MRPS27: variants seen among roughly 807,000 people sequenced by gnomAD.
The protein encoded by MRPS27 is small ribosomal subunit protein mS27.
In MRPS27, 43 loss-of-function variants were observed where a neutral mutation model predicts 48.9. The ratio of observed to expected loss-of-function variants is 0.88; its 90% CI spans 0.69 to 1.13. MRPS27 has a LOEUF of 1.13. Among genes scored for constraint, MRPS27 ranks in the 50% most tolerant of loss-of-function variants. The pLI is 0.00. For missense variants in MRPS27, 467 were observed against 476.3 expected (o/e 0.98, Z 0.18); for synonymous variants, 188 against 171.9 (o/e 1.09, Z -0.73).
rs924016895 is a variant in MRPS27 at position 72,296,050 on chromosome 5, C to T, written c.223-461G>A. ...AAATTTAGAGAACTCAGTCTTGCAACGATTTTTTCTACTTTGATTTAGCTC... is the reference window on the plus strand; with the variant it reads ...AAATTTAGAGAACTCAGTCTTGCAATGATTTTTTCTACTTTGATTTAGCTC... On this transcript the variant is annotated intron_variant, in intron 3 of 10. Coordinates refer to ENST00000261413, the MANE Select transcript of MRPS27 (RefSeq NM_015084.3). Among the ~76,000 whole-genome samples, 14 of 152,120 alleles carry T rather than the reference C, an allele frequency of 9.2e-5. No individual in the cohort carries two copies. In the South Asian group the frequency reaches 1.2e-3, roughly 13 times the overall value.
chr5:72,253,154 G>T (rs1375409229), intron 4 of MRPS27, among the ~76,000 whole-genome samples: 1 of 152,116 alleles, frequency 6.6e-6, no homozygotes, highest in African/African-American at 2.4e-5. Flanking sequence ...TCTCCTGCCG[G>T]CTTAGGTTGT....
chr5:72,297,011 T>G (rs942538311), intron 3 of MRPS27, among the ~76,000 whole-genome samples: 1 of 152,142 alleles, frequency 6.6e-6, no homozygotes. Context: ...GATATCTGGG[T>G]TTGAATCTCA....
intron 1 of MRPS27, among the ~76,000 whole-genome samples, chr5:72,318,524 G>A (rs1750625447): frequency 6.6e-6 from 1 of 152,246 alleles, no homozygotes; most frequent in South Asian, 2.1e-4. Flanking sequence ...GCTGGGCACA[G>A]TGGCTCACGC....
intron 4 of MRPS27, among the ~76,000 whole-genome samples, chr5:72,256,752 T>C (rs958940236): frequency 6.6e-5 from 10 of 152,224 alleles, no homozygotes; most frequent in African/African-American, 2.2e-4. Flanking sequence ...AACAAAACAA[T>C]AGGTCTGTTA....
chr5:72,261,396 C>T (rs1053518918), intron 4 of MRPS27, among the ~76,000 whole-genome samples: 4 of 152,008 alleles, frequency 2.6e-5, no homozygotes, highest in African/African-American at 4.8e-5. Context: ...GGATTACAGA[C>T]GCCACCACAT....
chr5:72,311,231 T>C (rs1170023403), intron 2 of MRPS27, among the ~76,000 whole-genome samples: 2 of 152,198 alleles, frequency 1.3e-5, no homozygotes, highest in African/African-American at 2.4e-5. Context: ...CAATAGAATG[T>C]CCTTATCTCA....
intron 4 of MRPS27, among the ~76,000 whole-genome samples, chr5:72,282,465 A>G (rs1749556806): frequency 1.3e-5 from 2 of 152,186 alleles, no homozygotes. Context: ...CCCTGTAGCT[A>G]TAATTCCTGG....
At chr5:72,221,332 G>A (rs1382577325) in intron 10 of MRPS27, among the ~76,000 whole-genome samples, 184 bp from the exon 11 acceptor site, 1 of 152,126 alleles carries the variant, frequency 6.6e-6, no homozygotes, top group Non-Finnish European at 1.5e-5. Flanking sequence ...CATTTTGCTG[G>A]TAGAAAAAAA....
chr5:72,311,471 G>A (rs1580120203), intron 2 of MRPS27, among the ~76,000 whole-genome samples: 1 of 152,138 alleles, frequency 6.6e-6, no homozygotes, highest in South Asian at 2.1e-4. Flanking sequence ...AGTTTTGAGA[G>A]GCCAGTGGAT....
At chr5:72,284,527 T>G (rs1749620304) in intron 4 of MRPS27, among the ~76,000 whole-genome samples, 1 of 150,266 alleles carries the variant, frequency 6.7e-6, no homozygotes, top group Non-Finnish European at 1.5e-5. Context: ...AGGGAAGAAA[T>G]GAAAAATATG....
chr5:72,311,285 T>G (rs936191090), intron 2 of MRPS27, among the ~76,000 whole-genome samples: 1 of 152,112 alleles, frequency 6.6e-6, no homozygotes, highest in African/African-American at 2.4e-5. Flanking sequence ...CTATAATATA[T>G]GAAACAAACT....
Position 72,223,790 on chromosome 5 carries a change from G to A in MRPS27, c.898C>T (p.Gln300Ter). ...LTSADGASEE[Q>*]SQNDEDNQGS... ...TGGTTGTCTTCATCATTTTGGGACT[G>A]CTCCTCTGAAGCCCCATCAGCTGAA... is the stretch of plus-strand genomic sequence containing the variant. Residue 300 changes from glutamine to a stop codon, truncating the protein, a stop_gained, in exon 10 of 11, where the codon CAG (glutamine) becomes TAG (stop). Transcript: ENST00000261413. LOFTEE classifies it high-confidence loss of function. The A allele has an allele frequency of 1.2e-6, 2 of 1,613,996 alleles. No individual in the cohort carries two copies. Among genetic ancestry groups the A allele is most frequent in the Non-Finnish European group, 8.5e-7 (1 of 1,179,938 alleles).
chr5:72,291,564 A>T (rs1749820426), intron 4 of MRPS27, among the ~76,000 whole-genome samples: 1 of 152,240 alleles, frequency 6.6e-6, no homozygotes, highest in Admixed American at 6.5e-5. Flanking sequence ...GATATGAAAA[A>T]ATCAATGATT....
intron 2 of MRPS27, among the ~76,000 whole-genome samples, chr5:72,311,284 A>G (rs762079675): frequency 3.4e-4 from 52 of 152,238 alleles, no homozygotes; most frequent in Admixed American, 7.2e-4. Flanking sequence ...GCTATAATAT[A>G]TGAAACAAAC....
chr5:72,312,211 A>G (rs887078835), intron 2 of MRPS27, among the ~76,000 whole-genome samples: 3 of 152,232 alleles, frequency 2.0e-5, no homozygotes, highest in Admixed American at 2.0e-4. Context: ...CATTTGTGAC[A>G]TAATTATACC....
intron 4 of MRPS27, chr5:72,241,605 A>G: frequency 6.6e-7 from 1 of 1,510,182 alleles, no homozygotes; most frequent in Non-Finnish European, 8.9e-7. Flanking sequence ...AACTTCCAGT[A>G]GTAATATGTC....
chr5:72,264,014 GAATA>G (rs924386603), intron 4 of MRPS27, among the ~76,000 whole-genome samples: 25 of 152,048 alleles, frequency 1.6e-4, no homozygotes, highest in African/African-American at 5.8e-4. Context: ...ACAGATGAGT[GAATA>G]AATAAAATGT....
intron 7 of MRPS27, among the ~76,000 whole-genome samples, chr5:72,231,808 T>C (rs1748071336): frequency 6.6e-6 from 1 of 152,122 alleles, no homozygotes; most frequent in Non-Finnish European, 1.5e-5. Flanking sequence ...CGTTACCTAC[T>C]AGCTGGGGGG....
At chr5:72,317,359 T>C (rs1467330163) in intron 1 of MRPS27, among the ~76,000 whole-genome samples, 1 of 152,216 alleles carries the variant, frequency 6.6e-6, no homozygotes, top group Non-Finnish European at 1.5e-5. Context: ...ACTATAATTA[T>C]TTAAATTAAT....
Sources: allele counts gnomAD v4.1 joint callset (sites outside exome capture counted in the v4.1 genomes callset), GRCh38; gene constraint gnomAD v4.1.1; transcripts MANE v1.5; gene names NCBI Gene and HGNC (gene_info 2026-07-23, HGNC 2026-07-21).